TPTE2: variants seen among roughly 807,000 people sequenced by gnomAD.
TPTE2 encodes phosphatidylinositol 3,4,5-trisphosphate 3-phosphatase TPTE2.
In TPTE2, 53 loss-of-function variants were observed where a neutral mutation model predicts 78.6. The observed-to-expected ratio is 0.67, with a 90% CI of 0.54 to 0.85. The LOEUF is 0.85. Ranked by LOEUF, TPTE2 falls within the 40% of genes least tolerant of loss-of-function variation. The pLI, the probability that TPTE2 is intolerant of heterozygous loss-of-function variation, is 0.00. For synonymous variants in TPTE2, 175 were observed against 206.2 expected (o/e 0.85, Z 1.30); for missense variants, 461 against 623.0 (o/e 0.74, Z 2.77).
At chr13:19,476,505 A>C (rs1593382428) in intron 4 of TPTE2, among the ~76,000 whole-genome samples, 5 of 152,188 alleles carry the variant, frequency 3.3e-5, no homozygotes, top group African/African-American at 1.2e-4. Context: ...AGACTGGAGA[A>C]CAAAGAGGGC....
At chr13:19,539,668 C>T (rs763012432), upstream of TPTE2, among the ~76,000 whole-genome samples, 1 of 152,090 alleles carries the variant, frequency 6.6e-6, no homozygotes. Flanking sequence ...TTCTGTTCCA[C>T]CAGTCCATTT....
chr13:19,440,746 G>A lies in TPTE2; in HGVS notation c.974-2593C>T, dbSNP rs138998718. 5.2e-3 allele frequency among the ~76,000 whole-genome samples: 792 copies of A among 152,082 alleles called. 4 individuals are homozygous for A. The highest frequency in any genetic ancestry group is 9.5e-3 in the Admixed American group (145 of 15,264). On this transcript the variant is annotated intron_variant, in intron 13 of 19. Coordinates refer to ENST00000400230, the Ensembl canonical transcript of TPTE2. Reference sequence around the variant, plus strand: ...ATTGCACCACTGCATTCCAGCCTGGGTGACAGCAAGACTCCATCTCAAAAA... The same window carrying A: ...ATTGCACCACTGCATTCCAGCCTGGATGACAGCAAGACTCCATCTCAAAAA...
At chr13:19,498,784 A>G (rs1178451228) in intron 1 of TPTE2, among the ~76,000 whole-genome samples, 3 of 152,164 alleles carry the variant, frequency 2.0e-5, no homozygotes, top group Non-Finnish European at 4.4e-5. Flanking sequence ...ACAGGATCAA[A>G]TTCACACATA....
At chr13:19,529,501 A>C (rs776346932) in intron 1 of TPTE2, among the ~76,000 whole-genome samples, 17 of 152,350 alleles carry the variant, frequency 1.1e-4, no homozygotes, top group Middle Eastern at 3.4e-3. Flanking sequence ...TTTACACAGT[A>C]ATAATAGTGA....
chr13:19,493,822 C>T (rs1328430488), intron 1 of TPTE2, among the ~76,000 whole-genome samples: 2 of 152,142 alleles, frequency 1.3e-5, no homozygotes, highest in African/African-American at 2.4e-5. Context: ...AGGTAGGCAG[C>T]CCTCTTATTC....
At chr13:19,454,727 C>T (rs538276318) in intron 10 of TPTE2, among the ~76,000 whole-genome samples, 1 of 147,964 alleles carries the variant, frequency 6.8e-6, no homozygotes, top group South Asian at 2.1e-4. Flanking sequence ...CTAGAGATCA[C>T]CCCAGAAAAA....
chr13:19,425,799 C>A lies in TPTE2; in HGVS notation c.1395+626G>T, dbSNP rs6491271. The A allele has an allele frequency of 0.021, 10,042 of 470,322 alleles. 823 individuals carry two copies. Among genetic ancestry groups the A allele is most frequent in the African/African-American group, 0.18 (8,895 of 49,798 alleles). 29.1% of individuals were successfully genotyped at this position (470,322 alleles called of 1,614,324 possible). On this transcript the variant is annotated intron_variant, in intron 18 of 19. Coordinates refer to ENST00000400230, the Ensembl canonical transcript of TPTE2. ...AGCACAGGTCTCCTGGATGGCTCCC[C>A]CTTCCAGTTGGCCCTGTGTGCTGCC...
rs150121439 is a variant in TPTE2, at chr13:19,535,065, G to T, written c.-44+1531C>A. ...CCAAAAATACAGAAATTAGCCAGGC[G>T]TGGTGGCGGGCACATGCAGTCCCAG... On this transcript the variant is annotated intron_variant, in intron 1 of 17. Coordinates refer to the TPTE2 transcript ENST00000390680. This position sits in a 1 kb window ranked among gnomAD's most constrained non-coding sequence, Gnocchi z 5.1. 6.6e-6 allele frequency among the ~76,000 whole-genome samples: 1 copy of T among 152,076 alleles called. No individual in the cohort carries two copies. Among genetic ancestry groups the T allele is most frequent in the African/African-American group, 2.4e-5 (1 of 41,490 alleles).
intron 1 of TPTE2, chr13:19,493,763 T>C: frequency 4.0e-6 from 2 of 495,842 alleles, no homozygotes; most frequent in Non-Finnish European, 7.3e-6. Context: ...AGTCCCAATG[T>C]GTGACAGATT....
rs539802489 is a variant in TPTE2, at chr13:19,465,038, C to A, written c.676+217G>T. On this transcript the variant is annotated intron_variant, in intron 9 of 19. Transcript: ENST00000400230. Reference sequence around the variant, plus strand: ...AAATGGAGTCAGCTGAAAATCCATTCAAGTTCCTATGCTGCAACTGAGTAG... The same window carrying A: ...AAATGGAGTCAGCTGAAAATCCATTAAAGTTCCTATGCTGCAACTGAGTAG... 3.9e-5 allele frequency among the ~76,000 whole-genome samples: 6 copies of A among 152,310 alleles called. No individual in the cohort carries two copies. In the South Asian group the frequency reaches 1.2e-3, roughly 32 times the overall value.
At chr13:19,453,947 C>T (rs1878367024) in intron 10 of TPTE2, among the ~76,000 whole-genome samples, 1 of 152,210 alleles carries the variant, frequency 6.6e-6, no homozygotes, top group Non-Finnish European at 1.5e-5. Context: ...AAGCCTCTTG[C>T]AACAACCTCC....
chr13:19,514,472 T>A (rs2137702535), intron 1 of TPTE2, among the ~76,000 whole-genome samples: 1 of 152,254 alleles, frequency 6.6e-6, no homozygotes, highest in South Asian at 2.1e-4. Flanking sequence ...AAGTCAGATA[T>A]TTTGGAAGGC....
the TPTE2 span, among the ~76,000 whole-genome samples, chr13:19,550,067 GTGA>G: frequency 7.1e-6 from 1 of 141,592 alleles, no homozygotes; most frequent in African/African-American, 2.5e-5. Flanking sequence ...GATTACCTGG[GTGA>G]CAAAATTATC....
the TPTE2 span, among the ~76,000 whole-genome samples, chr13:19,555,691 G>T: frequency 4.0e-5 from 6 of 150,002 alleles, no homozygotes; most frequent in African/African-American, 1.5e-4. Context: ...TTCAGTTTTA[G>T]AAATAAGATT....
chr13:19,445,393 C>T (rs1877761030), intron 13 of TPTE2, among the ~76,000 whole-genome samples: 1 of 135,194 alleles, frequency 7.4e-6, no homozygotes, highest in African/African-American at 2.8e-5. Flanking sequence ...AAATGATCAC[C>T]ACCATAAGAT....
chr13:19,545,067 G>T, the TPTE2 span, among the ~76,000 whole-genome samples: 1 of 151,814 alleles, frequency 6.6e-6, no homozygotes, highest in East Asian at 1.9e-4. Context: ...GGCCAGAAAA[G>T]AGGAAAAAGT....
intron 10 of TPTE2, among the ~76,000 whole-genome samples, chr13:19,455,790 C>T (rs1161813100): frequency 6.6e-6 from 1 of 152,098 alleles, no homozygotes; most frequent in Non-Finnish European, 1.5e-5. Context: ...AACAGAAAAA[C>T]ATTTTTATTA....
At chr13:19,450,723 G>A (rs564480761) in intron 11 of TPTE2, among the ~76,000 whole-genome samples, 14 of 152,240 alleles carry the variant, frequency 9.2e-5, no homozygotes, top group African/African-American at 3.4e-4. Flanking sequence ...GAGAGACAGG[G>A]TATTAAACTG....
At chr13:19,471,231 A>G (rs1879596744) in intron 6 of TPTE2, among the ~76,000 whole-genome samples, 1 of 152,030 alleles carries the variant, frequency 6.6e-6, no homozygotes, top group South Asian at 2.1e-4. Context: ...TCATCCATTC[A>G]TCCACTCTGT....
Sources: allele counts gnomAD v4.1 joint callset (sites outside exome capture counted in the v4.1 genomes callset), GRCh38; gene constraint gnomAD v4.1.1; non-coding constraint Gnocchi (gnomAD v3.1); transcripts MANE v1.5; gene names NCBI Gene and HGNC (gene_info 2026-07-23, HGNC 2026-07-21).